The following RANBP2 variants were observed in gnomAD, a reference collection of about 807,000 sequenced individuals.
RANBP2 encodes the protein E3 SUMO-protein ligase RanBP2.
In RANBP2, 57 loss-of-function variants were observed where a neutral mutation model predicts 303.6. The ratio of observed to expected loss-of-function variants is 0.19; its 90% CI spans 0.15 to 0.23. The LOEUF (loss-of-function observed/expected upper bound fraction) is 0.23. Among genes scored for constraint, RANBP2 ranks in the 10% least tolerant of loss-of-function variants. The pLI is 1.00. For synonymous variants in RANBP2, 1,167 were observed against 1,301.5 expected, an observed-to-expected ratio of 0.90 and a Z score of 2.23; for missense variants, 3,138 against 3,780.8, an observed-to-expected ratio of 0.83 and a Z score of 4.46.
chr2:109,200,314 C>A, the RANBP2 span, among the ~76,000 whole-genome samples: 1 of 152,122 alleles, frequency 6.6e-6, no homozygotes, highest in Non-Finnish European at 1.5e-5. Context: ...CTTCCCAGAC[C>A]CTGCCGCAGA....
At chr2:109,464,848 A>G in the RANBP2 span, among the ~76,000 whole-genome samples, 1 of 152,238 alleles carries the variant, frequency 6.6e-6, no homozygotes, top group Admixed American at 6.5e-5. Context: ...TTACGTTAGG[A>G]TTTACTCTTG....
the RANBP2 span, among the ~76,000 whole-genome samples, chr2:108,914,721 C>A: frequency 2.0e-5 from 3 of 152,210 alleles, no homozygotes; most frequent in Non-Finnish European, 4.4e-5. Context: ...TTTGTCTCTA[C>A]CAGTTCTGGA....
chr2:109,201,951 A>T, the RANBP2 span, among the ~76,000 whole-genome samples: 6 of 152,184 alleles, frequency 3.9e-5, no homozygotes, highest in Admixed American at 6.5e-5. Context: ...ACTGGTGGAG[A>T]AGCAAATGTT....
the RANBP2 span, among the ~76,000 whole-genome samples, chr2:109,296,312 C>T: frequency 4.6e-5 from 7 of 152,234 alleles, no homozygotes; most frequent in African/African-American, 1.7e-4. Context: ...ACTGCAACCC[C>T]TGCCTCCCAG....
chr2:109,026,172 C>T, the RANBP2 span, among the ~76,000 whole-genome samples: 1 of 152,074 alleles, frequency 6.6e-6, no homozygotes, highest in Non-Finnish European at 1.5e-5. Context: ...GAAAGGGTCT[C>T]ACTCTGTCAC....
the RANBP2 span, among the ~76,000 whole-genome samples, chr2:109,422,469 T>C: frequency 6.6e-6 from 1 of 152,214 alleles, no homozygotes; most frequent in Non-Finnish European, 1.5e-5. Context: ...TGTGAAAGGC[T>C]TCCCTGGCAT....
chr2:109,674,470 G>GCTAC, the RANBP2 span, among the ~76,000 whole-genome samples: 43 of 148,836 alleles, frequency 2.9e-4, no homozygotes, highest in African/African-American at 1.0e-3. Context: ...TGTAGTCCCA[G>GCTAC]CTACTTGGGA....
chr2:109,236,902 G>C, the RANBP2 span, among the ~76,000 whole-genome samples: 1 of 152,186 alleles, frequency 6.6e-6, no homozygotes, highest in Non-Finnish European at 1.5e-5. Context: ...AGGGGACAAG[G>C]CATAAGTATA....
chr2:108,857,223 C>G, the RANBP2 span, among the ~76,000 whole-genome samples: 4 of 151,938 alleles, frequency 2.6e-5, no homozygotes, highest in African/African-American at 9.7e-5. Flanking sequence ...GGATTACAGG[C>G]ACACGCCACC....
chr2:109,516,673 C>G, the RANBP2 span, among the ~76,000 whole-genome samples: 2 of 152,342 alleles, frequency 1.3e-5, no homozygotes, highest in East Asian at 1.9e-4. Flanking sequence ...GCAGGAGCCC[C>G]CAGCCCCAAA....
At chr2:109,632,880 A>C in the RANBP2 span, among the ~76,000 whole-genome samples, 2 of 152,030 alleles carry the variant, frequency 1.3e-5, no homozygotes, top group East Asian at 3.9e-4. Context: ...TGAAACACAC[A>C]CTAATCATTT....
chr2:109,244,872 C>G, the RANBP2 span, among the ~76,000 whole-genome samples: 3 of 152,128 alleles, frequency 2.0e-5, no homozygotes, highest in Admixed American at 1.3e-4. Flanking sequence ...CCTGTGCCAT[C>G]GTCATATTCT....
the RANBP2 span, among the ~76,000 whole-genome samples, chr2:109,575,902 T>C: frequency 5.3e-5 from 8 of 152,206 alleles, no homozygotes; most frequent in African/African-American, 1.9e-4. Flanking sequence ...TTGTTCTCCC[T>C]ATGCAAATGG....
At chr2:108,992,366 T>A in the RANBP2 span, among the ~76,000 whole-genome samples, 1 of 152,176 alleles carries the variant, frequency 6.6e-6, no homozygotes, top group African/African-American at 2.4e-5. Context: ...GAAATGGAGA[T>A]GAAAAGTACT....
chr2:109,243,657 G>A, the RANBP2 span, among the ~76,000 whole-genome samples: 1 of 152,194 alleles, frequency 6.6e-6, no homozygotes, highest in Non-Finnish European at 1.5e-5. Flanking sequence ...TATGAGTGGT[G>A]AGAAGGGGCC....
chr2:109,055,940 A>C, the RANBP2 span, among the ~76,000 whole-genome samples: 2 of 150,616 alleles, frequency 1.3e-5, no homozygotes, highest in African/African-American at 4.9e-5. Context: ...TCGCATTTTT[A>C]GTAAAGACAG....
At chr2:109,014,484 AAC>A in the RANBP2 span, among the ~76,000 whole-genome samples, 15 of 152,316 alleles carry the variant, frequency 9.8e-5, no homozygotes, top group South Asian at 4.1e-4. Flanking sequence ...GATGTTCAAA[AAC>A]ACAACTGTGT....
At chr2:109,170,815 G>T in the RANBP2 span, among the ~76,000 whole-genome samples, 1 of 152,174 alleles carries the variant, frequency 6.6e-6, no homozygotes, top group Non-Finnish European at 1.5e-5. Context: ...GGTGCACAGG[G>T]CATAGTTTAC....
the RANBP2 span, among the ~76,000 whole-genome samples, chr2:109,706,176 T>C: frequency 6.6e-6 from 1 of 152,232 alleles, no homozygotes; most frequent in Non-Finnish European, 1.5e-5. Flanking sequence ...GTCCCCAGTC[T>C]ATTCTCAGAG....
Sources: allele counts gnomAD v4.1 joint callset (sites outside exome capture counted in the v4.1 genomes callset), GRCh38; gene constraint gnomAD v4.1.1; transcripts MANE v1.5; gene names NCBI Gene and HGNC (gene_info 2026-07-23, HGNC 2026-07-21).